The following EDA variants were observed in gnomAD, a reference collection of about 807,000 sequenced individuals.
EDA encodes the protein ectodysplasin A, also known as ectodysplasin-A.
A neutral mutation model predicts 23.6 loss-of-function variants in EDA; 2 were observed. The observed-to-expected ratio is 0.08, with a 90% CI of 0.03 to 0.27. The LOEUF (loss-of-function observed/expected upper bound fraction) is 0.27, where lower values mean the gene tolerates loss of function less well. Ranked by LOEUF, EDA falls within the 10% of genes least tolerant of loss-of-function variation. The probability of loss-of-function intolerance (pLI) is 1.00; values close to 1 mark genes in which losing one functional copy is unlikely to be tolerated. For synonymous variants in EDA, 131 were observed against 132.0 expected (o/e 0.99, Z 0.05); for missense variants, 229 against 324.2 (o/e 0.71, Z 2.26).
chrX:69,924,694 G>A (rs1638859842), intron 1 of EDA, among the ~76,000 whole-genome samples: 1 of 112,087 alleles, frequency 8.9e-6, no homozygotes, highest in Non-Finnish European at 1.9e-5. Flanking sequence ...GAATGTCAAT[G>A]GTAGTTTGAT....
At chrX:69,870,203 A>G (rs2017544798) in intron 1 of EDA, among the ~76,000 whole-genome samples, 1 of 111,963 alleles carries the variant, frequency 8.9e-6, no homozygotes, top group Non-Finnish European at 1.9e-5. Flanking sequence ...CATTAAAAGC[A>G]GAGTCCCTAC....
intron 1 of EDA, chrX:69,861,081 T>C (rs2017375884): frequency 7.0e-6 from 3 of 427,465 alleles, no homozygotes; most frequent in Non-Finnish European, 8.4e-6. Context: ...TTATGACTTA[T>C]AGATCCTCAC....
At chrX:69,919,630 C>T (rs1326754450) in intron 1 of EDA, among the ~76,000 whole-genome samples, 1 of 111,701 alleles carries the variant, frequency 9.0e-6, no homozygotes, top group Non-Finnish European at 1.9e-5. Context: ...ATACAAGAGC[C>T]CTTCCTTTTG....
chrX:69,664,788 T>G (rs767359399), intron 1 of EDA, among the ~76,000 whole-genome samples: 2 of 111,779 alleles, frequency 1.8e-5, no homozygotes, highest in East Asian at 5.6e-4. Context: ...AACATGAGAG[T>G]GCAGATATCT....
chrX:69,832,220 T>C (rs1432438705), intron 1 of EDA, among the ~76,000 whole-genome samples: 1 of 111,784 alleles, frequency 8.9e-6, no homozygotes, highest in Non-Finnish European at 1.9e-5. Flanking sequence ...TTGTATAAGG[T>C]GTAAGGAAGG....
At chrX:69,828,990 C>T (rs2016539181) in intron 1 of EDA, among the ~76,000 whole-genome samples, 1 of 112,214 alleles carries the variant, frequency 8.9e-6, no homozygotes, top group African/African-American at 3.2e-5. Context: ...AAAGGGATTC[C>T]CTGACCATTC....
chrX:69,870,390 A>G (rs1433799225), intron 1 of EDA, among the ~76,000 whole-genome samples: 2 of 111,074 alleles, frequency 1.8e-5, no homozygotes, highest in African/African-American at 6.6e-5. Flanking sequence ...CACACTCTCA[A>G]ACTTACCTCT....
At chrX:69,718,195 T>G (rs1020776945) in intron 1 of EDA, among the ~76,000 whole-genome samples, 3 of 112,262 alleles carry the variant, frequency 2.7e-5, no homozygotes, top group Non-Finnish European at 5.6e-5. Flanking sequence ...AGATTCTAAG[T>G]GTTTTTCTGT....
intron 1 of EDA, among the ~76,000 whole-genome samples, chrX:69,828,562 C>T (rs2384855): frequency 0.23 from 25,902 of 111,278 alleles, 2,323 homozygotes; most frequent in African/African-American, 0.31. Context: ...CTTCGGCTCG[C>T]GCACGGTGCA....
chrX:69,735,263 T>C (rs1309584411), intron 1 of EDA, among the ~76,000 whole-genome samples: 1 of 108,041 alleles, frequency 9.3e-6, no homozygotes, highest in Non-Finnish European at 1.9e-5. Context: ...CACATACAAA[T>C]GGCATATTTA....
chrX:69,837,586 T>C (rs1668387376), intron 1 of EDA, among the ~76,000 whole-genome samples: 1 of 112,580 alleles, frequency 8.9e-6, no homozygotes, highest in South Asian at 3.7e-4. Context: ...AAATCTCTGT[T>C]TCTACTCACT....
intron 2 of EDA, among the ~76,000 whole-genome samples, chrX:70,007,845 T>C (rs888818884): frequency 4.5e-5 from 5 of 112,097 alleles, no homozygotes; most frequent in African/African-American, 1.6e-4. Context: ...TTTTGTTAGA[T>C]TTATACCTAA....
intron 1 of EDA, among the ~76,000 whole-genome samples, chrX:69,681,499 T>G (rs1934349697): frequency 9.0e-6 from 1 of 111,480 alleles, no homozygotes; most frequent in African/African-American, 3.3e-5. Context: ...AGTCCCATAT[T>G]TCTTGGAGGC....
At chrX:70,006,041 G>A (rs1367793862) in intron 2 of EDA, among the ~76,000 whole-genome samples, 2 of 111,910 alleles carry the variant, frequency 1.8e-5, no homozygotes, top group African/African-American at 6.5e-5. Context: ...TCTTTTTCTG[G>A]ATTGATAGCT....
chrX:69,655,770 A>ATATATATATATATT (rs1933298292), intron 1 of EDA, among the ~76,000 whole-genome samples: 1 of 85,846 alleles, frequency 1.2e-5, no homozygotes, highest in Admixed American at 1.3e-4. Flanking sequence ...ATCTATATAT[A>ATATATATATATATT]TATATATATA....
intron 1 of EDA, among the ~76,000 whole-genome samples, chrX:69,735,374 A>G (rs1443120389): frequency 1.8e-5 from 2 of 111,281 alleles, no homozygotes; most frequent in Admixed American, 1.9e-4. Flanking sequence ...ATGCTACAGC[A>G]TGGATGGGCT....
intron 1 of EDA, among the ~76,000 whole-genome samples, chrX:69,810,024 G>C (rs987887571): frequency 9.2e-6 from 1 of 108,679 alleles, no homozygotes; most frequent in East Asian, 2.9e-4. Flanking sequence ...CACTTTGGGG[G>C]GCTGAGGTGG....
chrX:69,780,686 T>C (rs1165743554), intron 1 of EDA, among the ~76,000 whole-genome samples: 1 of 109,862 alleles, frequency 9.1e-6, no homozygotes, highest in Non-Finnish European at 1.9e-5. Context: ...TCTCATGAGA[T>C]CTGGTTGTAT....
At position 69,787,547 on chromosome X, in the gene EDA, A is replaced by G. The variant is rs1210139045; in HGVS notation, c.397-169480A>G. Among the ~76,000 whole-genome samples, 134 of 103,056 alleles carry G rather than the reference A, an allele frequency of 1.3e-3. 4 individuals are homozygous for G. Among genetic ancestry groups the G allele is most frequent in the Non-Finnish European group, 4.0e-4 (20 of 49,784 alleles). 89.5% of individuals were successfully genotyped at this position (103,056 alleles called of 115,157 possible). On this transcript the variant is annotated intron_variant, in intron 1 of 7. Transcript: ENST00000374552. The stretch of plus-strand genomic sequence containing the variant: ...AAAGTATTTTATTTCTCCTTCACTT[A>G]TGAAGCTTAGTTTGGCTGGATATGA...
Sources: allele counts gnomAD v4.1 joint callset (sites outside exome capture counted in the v4.1 genomes callset), GRCh38; gene constraint gnomAD v4.1.1; transcripts MANE v1.5; gene names NCBI Gene and HGNC (gene_info 2026-07-23, HGNC 2026-07-21).